Variants in FAT3 observed in about 807,000 individuals in gnomAD.
FAT3 encodes protocadherin Fat 3.
Under a neutral mutation model 310.2 loss-of-function variants are expected in FAT3, and 95 were observed. The observed-to-expected ratio is 0.31, with a 90% confidence interval of 0.26 to 0.36. The LOEUF (loss-of-function observed/expected upper bound fraction) is 0.36, where lower values mean the gene tolerates loss of function less well. Ranked by LOEUF, FAT3 falls within the 10% of genes least tolerant of loss-of-function variation. The pLI, the probability that FAT3 is intolerant of heterozygous loss-of-function variation, is 1.00. For missense variants in FAT3, 5,408 were observed against 5,715.6 expected, an observed-to-expected ratio of 0.95 and a Z score of 1.74; for synonymous variants, 2,314 against 2,192.9, an observed-to-expected ratio of 1.06 and a Z score of -1.54.
chr11:92,306,232 A>G (rs990865331), intron 1 of FAT3, among the ~76,000 whole-genome samples: 3 of 151,642 alleles, frequency 2.0e-5, no homozygotes, highest in African/African-American at 7.3e-5. Context: ...TTACTTCAAT[A>G]TTTAGACTAA....
chr11:92,743,668 A>G (rs977788443), intron 4 of FAT3, among the ~76,000 whole-genome samples: 25 of 152,188 alleles, frequency 1.6e-4, no homozygotes, highest in Admixed American at 5.2e-4. Context: ...TATGGTTTGA[A>G]TATTTGCTTC....
At chr11:92,530,862 G>A (rs1005857714) in intron 3 of FAT3, among the ~76,000 whole-genome samples, 1 of 151,384 alleles carries the variant, frequency 6.6e-6, no homozygotes, top group South Asian at 2.1e-4. Context: ...TAGGAAAAGA[G>A]GAGGAAACCT....
chr11:92,555,425 G>T (rs188984170), intron 3 of FAT3, among the ~76,000 whole-genome samples: 5 of 152,318 alleles, frequency 3.3e-5, no homozygotes, highest in Admixed American at 3.3e-4. Context: ...GTTATTTGAA[G>T]ATGTTTTTCT....
intron 13 of FAT3, among the ~76,000 whole-genome samples, chr11:92,821,747 A>C (rs1437023427): frequency 6.6e-6 from 1 of 152,198 alleles, no homozygotes; most frequent in East Asian, 1.9e-4. Context: ...CAAAAACGTT[A>C]AGTGGCCCCT....
chr11:92,552,712 C>T (rs1954862209), intron 3 of FAT3, among the ~76,000 whole-genome samples: 2 of 151,978 alleles, frequency 1.3e-5, no homozygotes. Flanking sequence ...GTAATGCCTA[C>T]TGTTTATGTT....
At chr11:92,565,868 G>A (rs1955419231) in intron 3 of FAT3, among the ~76,000 whole-genome samples, 1 of 152,112 alleles carries the variant, frequency 6.6e-6, no homozygotes, top group African/African-American at 2.4e-5. Flanking sequence ...AGTAAATTAG[G>A]TATTGATGGG....
chr11:92,301,128 TCTC>T (rs1591074537), intron 1 of FAT3, among the ~76,000 whole-genome samples: 1 of 152,102 alleles, frequency 6.6e-6, no homozygotes, highest in East Asian at 1.9e-4. Flanking sequence ...TGGCTTCTGA[TCTC>T]CTCTTTCTCA....
At chr11:92,831,304 G>A (rs554296108) in intron 13 of FAT3, among the ~76,000 whole-genome samples, 1 of 152,098 alleles carries the variant, frequency 6.6e-6, no homozygotes, top group Non-Finnish European at 1.5e-5. Context: ...TTCTCTTTCT[G>A]TGCCACATCT....
At chr11:92,833,593 A>G (rs1394504398) in intron 14 of FAT3, among the ~76,000 whole-genome samples, 2 of 152,210 alleles carry the variant, frequency 1.3e-5, no homozygotes, top group Non-Finnish European at 2.9e-5. Context: ...TAACACTGCT[A>G]TACTGTAGGG....
rs370447944 is a variant in FAT3, at chr11:92,233,165, G to A, written c.-18+7991G>A. Among the ~76,000 whole-genome samples, 96 of 152,242 alleles carry A rather than the reference G, an allele frequency of 6.3e-4. 1 individual carries two copies. The highest frequency in any genetic ancestry group is 2.2e-3 in the African/African-American group (91 of 41,544). ...TGACAAGTGAGGTAGGGAGAAACAT[G>A]GTTCAGTTAGTCCTTGAGGATTTTT... On this transcript the variant is annotated intron_variant, in intron 1 of 27. Coordinates refer to ENST00000525166, the MANE Select transcript of FAT3 (RefSeq NM_001367949.2).
chr11:92,288,554 A>G (rs558315437), intron 1 of FAT3, among the ~76,000 whole-genome samples: 1 of 152,156 alleles, frequency 6.6e-6, no homozygotes, highest in East Asian at 1.9e-4. Context: ...CTCATCTTAA[A>G]TCCTCTCCTG....
intron 2 of FAT3, chr11:92,366,346 A>G: frequency 4.2e-6 from 1 of 239,988 alleles, no homozygotes; most frequent in Non-Finnish European, 8.3e-6. Context: ...AATGGCTAAA[A>G]TGAAAATGGG....
intron 4 of FAT3, among the ~76,000 whole-genome samples, chr11:92,752,840 G>A (rs971601095): frequency 1.3e-4 from 20 of 152,084 alleles, no homozygotes; most frequent in African/African-American, 4.1e-4. Context: ...ATATGCGATC[G>A]CTCTATCCTG....
At chr11:92,727,153 A>G (rs1005652652) in intron 4 of FAT3, among the ~76,000 whole-genome samples, 30 of 152,208 alleles carry the variant, frequency 2.0e-4, no homozygotes, top group Non-Finnish European at 4.4e-5. Context: ...ATTTTTGGCA[A>G]GTTGGCTTCT....
At chr11:92,779,718 G>C (rs960344341) in intron 7 of FAT3, among the ~76,000 whole-genome samples, 1 of 152,098 alleles carries the variant, frequency 6.6e-6, no homozygotes, top group African/African-American at 2.4e-5. Context: ...ATGGGACTTC[G>C]CAGATGTGAT....
chr11:92,369,690 T>G (rs1949131967), intron 2 of FAT3, among the ~76,000 whole-genome samples: 1 of 151,892 alleles, frequency 6.6e-6, no homozygotes, highest in Non-Finnish European at 1.5e-5. Flanking sequence ...GTACTAAAAA[T>G]ACAAAAATTA....
intron 3 of FAT3, among the ~76,000 whole-genome samples, chr11:92,629,496 C>G (rs1427474090): frequency 6.7e-6 from 1 of 150,308 alleles, no homozygotes; most frequent in East Asian, 2.0e-4. Context: ...GCCTCAAACT[C>G]CTGGGCTCAA....
intron 3 of FAT3, among the ~76,000 whole-genome samples, chr11:92,554,377 G>A (rs949164632): frequency 7.0e-6 from 1 of 143,538 alleles, no homozygotes. Context: ...CAGGAGAATG[G>A]CGTGAACCTG....
intron 1 of FAT3, among the ~76,000 whole-genome samples, chr11:92,229,223 TCTAA>T (rs1864043241): frequency 6.6e-6 from 1 of 152,192 alleles, no homozygotes; most frequent in Non-Finnish European, 1.5e-5. Flanking sequence ...TTTTTTGATC[TCTAA>T]CTGTTGAATA....
Sources: allele counts gnomAD v4.1 joint callset (sites outside exome capture counted in the v4.1 genomes callset), GRCh38; gene constraint gnomAD v4.1.1; transcripts MANE v1.5; gene names NCBI Gene and HGNC (gene_info 2026-07-23, HGNC 2026-07-21).